Variants in TULP4 observed in about 807,000 individuals in gnomAD.
TULP4 encodes the protein tubby-related protein 4.
A neutral mutation model predicts 129.0 loss-of-function variants in TULP4; 16 were observed. The ratio of observed to expected loss-of-function variants is 0.12; its 90% CI spans 0.08 to 0.19. TULP4 has a LOEUF of 0.19. Ranked by LOEUF, TULP4 falls within the 10% of genes least tolerant of loss-of-function variation. The pLI is 1.00. For missense variants in TULP4, 1,842 were observed against 2,059.1 expected, an observed-to-expected ratio of 0.89 and a Z score of 2.04; for synonymous variants, 998 against 854.0, an observed-to-expected ratio of 1.17 and a Z score of -2.94.
At chr6:158,303,958 G>T (rs6455563) in intron 1 of TULP4, among the ~76,000 whole-genome samples, 1 of 152,142 alleles carries the variant, frequency 6.6e-6, no homozygotes, top group African/African-American at 2.4e-5. Flanking sequence ...CTCCACTCCC[G>T]ATGGTAAATT....
chr6:158,382,310 C>T (rs1777345817), intron 1 of TULP4, among the ~76,000 whole-genome samples: 2 of 152,146 alleles, frequency 1.3e-5, no homozygotes, highest in African/African-American at 2.4e-5. Flanking sequence ...TCATCCTTTA[C>T]CTCCTTGAGA....
At chr6:158,342,675 T>C (rs1780208194) in intron 1 of TULP4, among the ~76,000 whole-genome samples, 2 of 152,198 alleles carry the variant, frequency 1.3e-5, no homozygotes, top group Non-Finnish European at 2.9e-5. Flanking sequence ...AAAGGGTGGA[T>C]TGAAGGCACC....
At chr6:158,487,529 A>G (rs1300010670) in intron 8 of TULP4, among the ~76,000 whole-genome samples, 3 of 152,236 alleles carry the variant, frequency 2.0e-5, no homozygotes, top group Non-Finnish European at 4.4e-5. Flanking sequence ...AGCCCCAGAC[A>G]TTGTAGTTAA....
chr6:158,265,101 C>G (rs1468727857), intron 1 of TULP4, among the ~76,000 whole-genome samples: 3 of 152,184 alleles, frequency 2.0e-5, no homozygotes, highest in Non-Finnish European at 4.4e-5. Flanking sequence ...ACTGTCACCA[C>G]TGGTCTTTAC....
At chr6:158,238,947 C>T (rs1162842207) in intron 1 of TULP4, among the ~76,000 whole-genome samples, 2 of 139,436 alleles carry the variant, frequency 1.4e-5, no homozygotes, top group African/African-American at 5.1e-5. Flanking sequence ...GTTGGGCACA[C>T]CTCCCAGACG....
chr6:158,239,632 T>C (rs867139825), intron 1 of TULP4, among the ~76,000 whole-genome samples: 1,295 of 27,354 alleles, frequency 0.047, 7 homozygotes, highest in Admixed American at 0.068. Context: ...GCTGGCCGGG[T>C]GGGGGGCTGA....
chr6:158,333,637 A>G (rs1779965507), intron 1 of TULP4, among the ~76,000 whole-genome samples: 1 of 137,210 alleles, frequency 7.3e-6, no homozygotes, highest in East Asian at 2.2e-4. Context: ...TCAGATTTTC[A>G]ATAATATATT....
chr6:158,358,396 G>C (rs1436088597), intron 1 of TULP4, among the ~76,000 whole-genome samples: 1 of 152,216 alleles, frequency 6.6e-6, no homozygotes, highest in Non-Finnish European at 1.5e-5. Context: ...AAACCCATCA[G>C]TCCTTGTGGT....
At chr6:158,298,849 C>G (rs527459042) in intron 1 of TULP4, among the ~76,000 whole-genome samples, 21 of 152,122 alleles carry the variant, frequency 1.4e-4, no homozygotes, top group Admixed American at 6.5e-4. Context: ...AGAAGCAATC[C>G]TAGGTGCCCG....
chr6:158,292,990 A>T (rs1008716934), intron 1 of TULP4, among the ~76,000 whole-genome samples: 13 of 152,174 alleles, frequency 8.5e-5, no homozygotes, highest in Admixed American at 7.2e-4. Context: ...GATACTGGTG[A>T]GCCCCAATAT....
At chr6:158,285,660 G>C (rs915285832) in intron 1 of TULP4, among the ~76,000 whole-genome samples, 1 of 152,328 alleles carries the variant, frequency 6.6e-6, no homozygotes, top group East Asian at 1.9e-4. Flanking sequence ...CATGTATTAG[G>C]ATTGGAAGTG....
rs551626140 is a variant in TULP4, at chr6:158,347,379, A to G, written c.252+33111A>G. Among the ~76,000 whole-genome samples, 10 of 152,322 alleles carry G rather than the reference A, an allele frequency of 6.6e-5. No individual in the cohort carries two copies. In the East Asian group the frequency reaches 1.9e-3, roughly 29 times the overall value. On this transcript the variant is annotated intron_variant, in intron 1 of 13. Transcript: ENST00000367097. ...GTTTCTAAGGCAATCACTTCCTACC[A>G]TTCTACTGCTAAGCCTGGTCTAAGC...
At chr6:158,454,171 C>T (rs1002128522) in intron 5 of TULP4, among the ~76,000 whole-genome samples, 3 of 152,100 alleles carry the variant, frequency 2.0e-5, no homozygotes, top group Non-Finnish European at 4.4e-5. Context: ...ACATGAATGA[C>T]GTTGAAGTCC....
At chr6:158,478,358 G>C (rs1562583349) in intron 6 of TULP4, among the ~76,000 whole-genome samples, 1 of 152,192 alleles carries the variant, frequency 6.6e-6, no homozygotes, top group Non-Finnish European at 1.5e-5. Context: ...GATCAAGCAT[G>C]ATTTTGTTAC....
intron 1 of TULP4, among the ~76,000 whole-genome samples, chr6:158,335,516 T>TA (rs1420826100): frequency 1.3e-5 from 2 of 151,954 alleles, no homozygotes; most frequent in African/African-American, 4.8e-5. Flanking sequence ...CAAAACCACA[T>TA]AAAAAGGTAT....
At chr6:158,299,712 G>A (rs955010191) in intron 1 of TULP4, among the ~76,000 whole-genome samples, 6 of 152,144 alleles carry the variant, frequency 3.9e-5, no homozygotes, top group Non-Finnish European at 7.3e-5. Context: ...AGCCACACAC[G>A]ATATCGTTAG....
intron 1 of TULP4, among the ~76,000 whole-genome samples, chr6:158,283,883 TC>T (rs1778797176): frequency 2.0e-5 from 3 of 152,142 alleles, no homozygotes; most frequent in Admixed American, 2.0e-4. Context: ...GGTGTCCTCC[TC>T]TCCTTTGACG....
intron 6 of TULP4, among the ~76,000 whole-genome samples, chr6:158,462,073 G>C (rs959728910): frequency 6.6e-6 from 1 of 152,092 alleles, no homozygotes; most frequent in Non-Finnish European, 1.5e-5. Context: ...TTCTTAGCAG[G>C]ACTCCCCATT....
At chr6:158,454,762 C>A (rs1334553545) in intron 5 of TULP4, among the ~76,000 whole-genome samples, 1 of 151,968 alleles carries the variant, frequency 6.6e-6, no homozygotes, top group Admixed American at 6.5e-5. Flanking sequence ...CATGCCACCA[C>A]GCCTGGCTAA....
Sources: gnomAD v4.1 joint callset for allele counts (sites outside exome capture counted in the v4.1 genomes callset) on GRCh38, gnomAD v4.1.1 for gene constraint, MANE v1.5 for transcripts, NCBI Gene and HGNC (gene_info 2026-07-23, HGNC 2026-07-21) for gene names.